The following PHACTR3 variants were observed in gnomAD, a reference collection of about 807,000 sequenced individuals.
PHACTR3 encodes protein phosphatase 1, regulatory subunit 123.
PHACTR3 carries 16 observed loss-of-function variants against 66.8 expected under a neutral mutation model. The ratio of observed to expected loss-of-function variants is 0.24; its 90% CI spans 0.16 to 0.36. The LOEUF (loss-of-function observed/expected upper bound fraction) is 0.36. PHACTR3 is among the 10% of genes least tolerant of loss of function. The pLI is 1.00. For missense variants in PHACTR3, 647 were observed against 719.9 expected (o/e 0.90, Z 1.16); for synonymous variants, 323 against 292.1 (o/e 1.11, Z -1.08).
At chr20:59,828,152 A>G in intron 8 of PHACTR3, among the ~76,000 whole-genome samples, 1 of 152,210 alleles carries the variant, frequency 6.6e-6, no homozygotes. Context: ...GTGGACACAC[A>G]CAGGAGGTAT....
intron 1 of PHACTR3, among the ~76,000 whole-genome samples, chr20:59,693,049 G>C (rs978505746): frequency 8.5e-5 from 13 of 152,094 alleles, no homozygotes; most frequent in African/African-American, 2.4e-4. Context: ...GGATTTGTCG[G>C]GGTCACATTA....
chr20:59,650,295 T>G (rs535425668), intron 1 of PHACTR3, among the ~76,000 whole-genome samples: 5 of 152,314 alleles, frequency 3.3e-5, no homozygotes, highest in Admixed American at 1.3e-4. Context: ...TGTAAAGGGT[T>G]GCAGATACAA....
intron 1 of PHACTR3, among the ~76,000 whole-genome samples, chr20:59,619,005 C>A (rs1408002562): frequency 2.0e-5 from 3 of 152,180 alleles, no homozygotes; most frequent in African/African-American, 7.2e-5. Flanking sequence ...GGCAAAGGTT[C>A]TTTTCCTGGC....
At chr20:59,695,510 T>G (rs540383866) in intron 1 of PHACTR3, among the ~76,000 whole-genome samples, 32 of 152,330 alleles carry the variant, frequency 2.1e-4, no homozygotes, top group African/African-American at 7.5e-4. Flanking sequence ...CCTTTTTTCT[T>G]TATAAATTAC....
intron 1 of PHACTR3, among the ~76,000 whole-genome samples, chr20:59,582,893 A>G (rs1465017785): frequency 6.6e-6 from 1 of 152,054 alleles, no homozygotes; most frequent in Non-Finnish European, 1.5e-5. Flanking sequence ...CTTGGTTGAT[A>G]GAAGCTTTTA....
At chr20:59,712,021 A>AT (rs2037929790) in intron 1 of PHACTR3, among the ~76,000 whole-genome samples, 1 of 152,034 alleles carries the variant, frequency 6.6e-6, no homozygotes, top group Non-Finnish European at 1.5e-5. Flanking sequence ...TCCAGAGTTC[A>AT]TTATTTTACT....
At chr20:59,709,840 G>T (rs772469273) in intron 1 of PHACTR3, among the ~76,000 whole-genome samples, 5 of 152,072 alleles carry the variant, frequency 3.3e-5, no homozygotes, top group African/African-American at 9.7e-5. Context: ...TTTCCATTCT[G>T]CTGAGTCAGA....
intron 1 of PHACTR3, among the ~76,000 whole-genome samples, chr20:59,609,452 C>A (rs868643210): frequency 1.3e-5 from 2 of 152,132 alleles, no homozygotes; most frequent in Middle Eastern, 3.4e-3. Flanking sequence ...CTGGAGCCCA[C>A]CCCACTTGTT....
chr20:59,806,449 G>A (rs969492967), intron 8 of PHACTR3, among the ~76,000 whole-genome samples: 1 of 152,240 alleles, frequency 6.6e-6, no homozygotes, highest in African/African-American at 2.4e-5. Flanking sequence ...AATCAAAACT[G>A]TCCCTGGACA....
At chr20:59,716,206 TTG>T (rs201782505) in intron 1 of PHACTR3, among the ~76,000 whole-genome samples, 5,582 of 128,462 alleles carry the variant, frequency 0.043, 167 homozygotes, top group East Asian at 0.14. Context: ...CCTTCACCCT[TTG>T]TGTGTGTGTG....
At chr20:59,827,870 G>T (rs1410237430) in intron 8 of PHACTR3, among the ~76,000 whole-genome samples, 1 of 152,114 alleles carries the variant, frequency 6.6e-6, no homozygotes, top group Non-Finnish European at 1.5e-5. Flanking sequence ...AGTTGAAGTT[G>T]CCCTGCCTCC....
intron 7 of PHACTR3, among the ~76,000 whole-genome samples, chr20:59,796,046 C>T (rs1383335892): frequency 1.3e-5 from 2 of 151,858 alleles, no homozygotes. Flanking sequence ...ATCCTCTTTT[C>T]CTCTGTTGTT....
At chr20:59,832,553 G>C (rs2042414310) in intron 8 of PHACTR3, among the ~76,000 whole-genome samples, 1 of 152,158 alleles carries the variant, frequency 6.6e-6, no homozygotes, top group African/African-American at 2.4e-5. Context: ...ATCTCTGTTG[G>C]ACAGAAATCT....
At chr20:59,668,437 C>T (rs2036072274) in intron 1 of PHACTR3, among the ~76,000 whole-genome samples, 1 of 152,200 alleles carries the variant, frequency 6.6e-6, no homozygotes, top group Admixed American at 6.5e-5. Context: ...CCTCCTGCAA[C>T]AGTGAGCTGC....
At chr20:59,720,614 G>A (rs923969855) in intron 1 of PHACTR3, among the ~76,000 whole-genome samples, 6 of 152,200 alleles carry the variant, frequency 3.9e-5, no homozygotes, top group Non-Finnish European at 8.8e-5. Flanking sequence ...GGAAGCCGAA[G>A]GTGCACACAA....
At chr20:59,825,286 G>A (rs1486703359) in intron 8 of PHACTR3, among the ~76,000 whole-genome samples, 1 of 152,208 alleles carries the variant, frequency 6.6e-6, no homozygotes, top group Non-Finnish European at 1.5e-5. Context: ...GCCCAAGGTT[G>A]CCTTGTTGCT....
At chr20:59,811,685 C>T (rs1364629826) in intron 8 of PHACTR3, among the ~76,000 whole-genome samples, 2 of 143,498 alleles carry the variant, frequency 1.4e-5, no homozygotes, top group Non-Finnish European at 3.0e-5. Flanking sequence ...TGCAGACTGT[C>T]AACACAGCAT....
intron 7 of PHACTR3, among the ~76,000 whole-genome samples, chr20:59,783,616 C>G (rs2040805434): frequency 6.6e-6 from 1 of 152,182 alleles, no homozygotes; most frequent in Admixed American, 6.5e-5. Context: ...GGGGATGAAA[C>G]TTGCCCATTT....
At chr20:59,700,511 T>G (rs1009587512) in intron 1 of PHACTR3, among the ~76,000 whole-genome samples, 2 of 152,240 alleles carry the variant, frequency 1.3e-5, no homozygotes, top group African/African-American at 4.8e-5. Flanking sequence ...ATGGCAGCAC[T>G]GTTTGTCAAT....
Sources: allele counts gnomAD v4.1 joint callset (sites outside exome capture counted in the v4.1 genomes callset), GRCh38; gene constraint gnomAD v4.1.1; transcripts MANE v1.5; gene names NCBI Gene and HGNC (gene_info 2026-07-23, HGNC 2026-07-21).